The following IL5RA variants were observed in gnomAD, a reference collection of about 807,000 sequenced individuals.
IL5RA encodes interleukin-5 receptor subunit alpha.
Under a neutral mutation model 50.0 loss-of-function variants are expected in IL5RA, and 49 were observed. The observed-to-expected ratio is 0.98, with a 90% CI of 0.78 to 1.24. The LOEUF (loss-of-function observed/expected upper bound fraction) is 1.24, where lower values mean the gene tolerates loss of function less well. Ranked by LOEUF, IL5RA falls within the 50% of genes most tolerant of loss-of-function variation. IL5RA has a pLI of 0.00. For missense variants in IL5RA, 600 were observed against 500.4 expected, an observed-to-expected ratio of 1.20 and a Z score of -1.90; for synonymous variants, 202 against 174.0, an observed-to-expected ratio of 1.16 and a Z score of -1.26.
chr3:3,091,491 G>A (rs1326788523), intron 9 of IL5RA, among the ~76,000 whole-genome samples: 2 of 152,138 alleles, frequency 1.3e-5, no homozygotes, highest in Non-Finnish European at 2.9e-5. Context: ...CAGCACTTTG[G>A]GAGGCTGAGG....
rs575895976 is a variant in IL5RA, at chr3:3,105,255, T to C, written c.-3-268A>G. ...CAGTAAAGGTGTGTATGGGGTACAATAGGAGCAGAGACTTCTGATTTGCCA... is the reference window on the plus strand; with the variant it reads ...CAGTAAAGGTGTGTATGGGGTACAACAGGAGCAGAGACTTCTGATTTGCCA... On this transcript the variant is annotated intron_variant, in intron 2 of 11. Coordinates refer to ENST00000446632, the MANE Select transcript of IL5RA (RefSeq NM_175726.4). 6.6e-5 allele frequency among the ~76,000 whole-genome samples: 10 copies of C among 152,196 alleles called. No individual in the cohort carries two copies. In the East Asian group the frequency reaches 1.7e-3, roughly 26 times the overall value.
At chr3:3,079,160 T>C (rs932179217) in intron 9 of IL5RA, among the ~76,000 whole-genome samples, 2 of 152,198 alleles carry the variant, frequency 1.3e-5, no homozygotes, top group Non-Finnish European at 2.9e-5. Context: ...CTTTGAAAAG[T>C]TTGTTTATAC....
intron 5 of IL5RA, among the ~76,000 whole-genome samples, chr3:3,099,283 A>G (rs1488162170): frequency 1.3e-5 from 2 of 152,124 alleles, no homozygotes; most frequent in Non-Finnish European, 2.9e-5. Context: ...ATATCTCTTG[A>G]GCCCAGGAGT....
intron 9 of IL5RA, among the ~76,000 whole-genome samples, chr3:3,077,999 A>C (rs972967349): frequency 1.3e-5 from 2 of 152,132 alleles, no homozygotes; most frequent in Admixed American, 1.3e-4. Context: ...AACTGTACAA[A>C]TTACTGGGAT....
intron 10 of IL5RA, among the ~76,000 whole-genome samples, chr3:3,075,203 CTTTTTTTTTTTT>C (rs10642608): frequency 4.3e-5 from 3 of 69,940 alleles, no homozygotes; most frequent in African/African-American, 6.0e-5. Context: ...AGTTTACTTA[CTTTTTTTTTTTT>C]TTTTTTTTTT....
At chr3:3,074,444 T>C (rs1002422605) in intron 11 of IL5RA, among the ~76,000 whole-genome samples, 2 of 152,158 alleles carry the variant, frequency 1.3e-5, no homozygotes, top group Admixed American at 6.5e-5. Flanking sequence ...ACCTTTCCAA[T>C]ATGTCAGAAG....
intron 9 of IL5RA, 131 bp from the exon 10 acceptor site, chr3:3,076,758 G>GT: frequency 1.8e-6 from 1 of 564,600 alleles, no homozygotes; most frequent in Non-Finnish European, 3.2e-6. Flanking sequence ...TGTTGGGCAA[G>GT]TAGCTTAACT....
chr3:3,067,444 A>G lies in IL5RA; in HGVS notation c.*2781T>C, dbSNP rs1278249383. The G allele has an allele frequency of 6.6e-6, 1 of 152,234 alleles. No individual in the cohort carries two copies. Among genetic ancestry groups the G allele is most frequent in the Non-Finnish European group, 1.5e-5 (1 of 68,072 alleles). 9.4% of individuals were successfully genotyped at this position (152,234 alleles called of 1,614,324 possible). A position where few individuals can be genotyped will look rare whatever the true frequency, so the allele number is the denominator to read the frequency against. ...AGATACTGTCCTAGACACTGCAGAT[A>G]AAAAGACGTATTTCACACAAGCTCC... On this transcript the variant is annotated 3_prime_UTR_variant, in exon 12 of 12. Transcript: ENST00000446632.
In IL5RA at chr3:3,066,754, T is replaced by A. The variant is rs1263274407; in HGVS notation, c.*3471A>T. The A allele has an allele frequency of 6.6e-6, 1 of 152,248 alleles. No homozygotes were observed. Among genetic ancestry groups the A allele is most frequent in the Non-Finnish European group, 1.5e-5 (1 of 68,068 alleles). The allele number at this position is 152,248 out of a possible 1,614,324, so 9.4% of individuals were successfully genotyped here. A position where few individuals can be genotyped will look rare whatever the true frequency, so the allele number is the denominator to read the frequency against. Reference sequence around the variant, plus strand: ...CACGTGGATTCTTCCCCAGCCTGCATGAATAGCTTGAGGTCTGAGGCATTT... The same window carrying A: ...CACGTGGATTCTTCCCCAGCCTGCAAGAATAGCTTGAGGTCTGAGGCATTT... On this transcript the variant is annotated 3_prime_UTR_variant, in exon 12 of 12. Coordinates refer to ENST00000446632, the MANE Select transcript of IL5RA (RefSeq NM_175726.4).
At position 3,097,850 on chromosome 3, in the gene IL5RA, T is replaced by G; in HGVS notation, c.709+20A>C. On this transcript the variant is annotated intron_variant, in intron 7 of 11. Transcript: ENST00000446632. Reference sequence around the variant, plus strand: ...ATTCCGAGATTCAGTTATTTCAGCTTTGGGTTAAGTCGGTCTTACCAATGG... The same window carrying G: ...ATTCCGAGATTCAGTTATTTCAGCTGTGGGTTAAGTCGGTCTTACCAATGG... 1 of 1,597,718 alleles carries G rather than the reference T, an allele frequency of 6.3e-7. No homozygotes were observed. The highest frequency in any genetic ancestry group is 8.5e-7 in the Non-Finnish European group (1 of 1,169,820).
intron 9 of IL5RA, among the ~76,000 whole-genome samples, chr3:3,079,087 G>A (rs1020524295): frequency 4.0e-5 from 6 of 151,890 alleles, no homozygotes; most frequent in East Asian, 1.9e-4. Context: ...TTTTAATTTC[G>A]ATTGGCCCTC....
At chr3:3,108,932 A>T (rs1469808698) in intron 1 of IL5RA, among the ~76,000 whole-genome samples, 1 of 152,232 alleles carries the variant, frequency 6.6e-6, no homozygotes, top group Non-Finnish European at 1.5e-5. Context: ...ACAAATAGCT[A>T]CATAAATTCC....
At chr3:3,083,293 G>A (rs1244942418) in intron 9 of IL5RA, among the ~76,000 whole-genome samples, 2 of 152,194 alleles carry the variant, frequency 1.3e-5, no homozygotes, top group African/African-American at 2.4e-5. Context: ...GCAGCAAAAT[G>A]CAGCCTCAGT....
At chr3:3,084,359 A>G (rs1387780973) in intron 9 of IL5RA, among the ~76,000 whole-genome samples, 1 of 152,204 alleles carries the variant, frequency 6.6e-6, no homozygotes, top group Non-Finnish European at 1.5e-5. Context: ...AGAGAGATAA[A>G]CTCAGGCCAG....
In IL5RA at chr3:3,102,645, A is replaced by T. The variant is rs777862265; in HGVS notation, c.228+30T>A. The T allele has an allele frequency of 2.1e-6, 3 of 1,458,114 alleles. No homozygotes were observed. In the South Asian group the frequency reaches 3.8e-5, roughly 18 times the overall value. 90.3% of individuals were successfully genotyped at this position (1,458,114 alleles called of 1,614,324 possible). A position where few individuals can be genotyped will look rare whatever the true frequency, so the allele number is the denominator to read the frequency against. On this transcript the variant is annotated intron_variant, in intron 4 of 11. Transcript: ENST00000446632. ...CAGTCAAAATGCATATTTATTCTCAATAAGGATATCCATTAGAATAAACAC... is the reference window on the plus strand; with the variant it reads ...CAGTCAAAATGCATATTTATTCTCATTAAGGATATCCATTAGAATAAACAC...
intron 5 of IL5RA, among the ~76,000 whole-genome samples, chr3:3,099,684 T>TATTA (rs1703548998): frequency 6.7e-6 from 1 of 150,202 alleles, no homozygotes; most frequent in African/African-American, 2.4e-5. Context: ...TTATTATTAT[T>TATTA]ATTTGGAAAC....
intron 8 of IL5RA, among the ~76,000 whole-genome samples, chr3:3,093,497 G>T (rs779675143): frequency 1.3e-5 from 2 of 152,086 alleles, no homozygotes; most frequent in Non-Finnish European, 2.9e-5. Flanking sequence ...CATTTTTATT[G>T]TATTTGACAA....
At chr3:3,096,289 A>AAGAAGAAG (rs1553752104) in intron 7 of IL5RA, among the ~76,000 whole-genome samples, 1 of 141,340 alleles carries the variant, frequency 7.1e-6, no homozygotes, top group African/African-American at 2.6e-5. Flanking sequence ...AAAAAAAAAA[A>AAGAAGAAG]AAGAAGAAGA....
chr3:3,099,877 C>T (rs1703560925), intron 5 of IL5RA, among the ~76,000 whole-genome samples: 1 of 151,966 alleles, frequency 6.6e-6, no homozygotes, highest in African/African-American at 2.4e-5. Context: ...ACCATGTTGG[C>T]CAGGCTGGTC....
Sources: gnomAD v4.1 joint callset for allele counts (sites outside exome capture counted in the v4.1 genomes callset) on GRCh38, gnomAD v4.1.1 for gene constraint, MANE v1.5 for transcripts, NCBI Gene and HGNC (gene_info 2026-07-23, HGNC 2026-07-21) for gene names.